Variants in NINL observed in about 807,000 individuals in gnomAD.
NINL encodes ninein-like protein.
In NINL, 153 loss-of-function variants were observed where a neutral mutation model predicts 160.3. The observed-to-expected ratio is 0.95, with a 90% CI of 0.84 to 1.09. The LOEUF (loss-of-function observed/expected upper bound fraction) is 1.09. Among genes scored for constraint, NINL ranks in the 50% least tolerant of loss-of-function variants. The probability of loss-of-function intolerance (pLI) is 0.00; values close to 1 mark genes in which losing one functional copy is unlikely to be tolerated. For synonymous variants in NINL, 800 were observed against 734.8 expected, an observed-to-expected ratio of 1.09 and a Z score of -1.43; for missense variants, 1,829 against 1,764.0, an observed-to-expected ratio of 1.04 and a Z score of -0.66.
intron 1 of NINL, among the ~76,000 whole-genome samples, chr20:25,532,120 G>T (rs374203653): frequency 2.0e-5 from 3 of 152,310 alleles, no homozygotes; most frequent in African/African-American, 7.2e-5. Context: ...CACAAAAAAG[G>T]AAAGACCCTG....
intron 1 of NINL, among the ~76,000 whole-genome samples, chr20:25,541,116 C>T (rs546861008): frequency 2.6e-5 from 4 of 152,108 alleles, no homozygotes; most frequent in Admixed American, 6.5e-5. Context: ...TTTCTGTGGT[C>T]TCCTAAAAAA....
At chr20:25,572,413 T>C (rs1021226457) in intron 1 of NINL, among the ~76,000 whole-genome samples, 2 of 152,176 alleles carry the variant, frequency 1.3e-5, no homozygotes, top group Non-Finnish European at 2.9e-5. Flanking sequence ...ACTACGGTGC[T>C]TGCTTTTGTA....
intron 17 of NINL, among the ~76,000 whole-genome samples, chr20:25,472,391 A>C (rs565972775): frequency 7.5e-6 from 1 of 133,590 alleles, no homozygotes; most frequent in African/African-American, 2.7e-5. Context: ...TTTGAGACGG[A>C]GTTTTGCTCT....
chr20:25,495,802 G>A (rs1402899566), intron 10 of NINL, among the ~76,000 whole-genome samples: 2 of 152,224 alleles, frequency 1.3e-5, no homozygotes, highest in African/African-American at 4.8e-5. Flanking sequence ...AATTTCCTCA[G>A]ATGTTCTGTT....
At position 25,491,635 on chromosome 20, in the gene NINL, C is replaced by T. The variant is rs946273250; in HGVS notation, c.1311-110G>A. On this transcript the variant is annotated intron_variant, in intron 10 of 23. Transcript: ENST00000278886. Reference sequence around the variant, plus strand: ...CTTAGAAACGCCCCTGTCCTCAGCACGTGCAGGGCCGCCCTGCCTTGGCTG... The same window carrying T: ...CTTAGAAACGCCCCTGTCCTCAGCATGTGCAGGGCCGCCCTGCCTTGGCTG... 4.4e-5 allele frequency: 57 copies of T among 1,294,294 alleles called. No individual in the cohort carries two copies. The East Asian group carries it at 4.5e-4, about 10-fold the overall frequency. 80.2% of individuals were successfully genotyped at this position (1,294,294 alleles called of 1,614,324 possible).
rs992635953 is a variant in NINL, at chr20:25,500,874, T to C, written c.998A>G (p.Gln333Arg). The C allele has an allele frequency of 6.2e-7, 1 of 1,614,160 alleles. No individual in the cohort carries two copies. The highest frequency in any genetic ancestry group is 8.5e-7 in the Non-Finnish European group (1 of 1,180,016). ...FPDQVLAMWT[Q>R]EGIQNGREIL... ...CTCCCTGCCATTCTGAATCCCCTCC[T>C]GGGTCCACATGGCCAGGACCTGATC... The change falls in exon 8 of 24, where the codon CAG (glutamine) becomes CGG (arginine). Residue 333 changes from glutamine to arginine, a missense_variant. Transcript: ENST00000278886.
intron 2 of NINL, among the ~76,000 whole-genome samples, chr20:25,520,954 C>T (rs762142386): frequency 5.9e-5 from 9 of 152,176 alleles, no homozygotes; most frequent in Non-Finnish European, 1.2e-4. Flanking sequence ...TCACATAATA[C>T]GCCAGGTATA....
At chr20:25,551,861 T>A (rs1334295336) in intron 1 of NINL, among the ~76,000 whole-genome samples, 3 of 152,154 alleles carry the variant, frequency 2.0e-5, no homozygotes, top group Non-Finnish European at 4.4e-5. Context: ...GTTTGAGGAG[T>A]TAAACTTGGC....
chr20:25,484,534 A>C (rs1478182778), intron 13 of NINL, among the ~76,000 whole-genome samples: 1 of 152,248 alleles, frequency 6.6e-6, no homozygotes, highest in Non-Finnish European at 1.5e-5. Flanking sequence ...GCGGCACAGC[A>C]AGCAGCCGAG....
chr20:25,521,269 T>C (rs1404368009), intron 2 of NINL, among the ~76,000 whole-genome samples: 1 of 152,246 alleles, frequency 6.6e-6, no homozygotes, highest in African/African-American at 2.4e-5. Context: ...TTTTCAGTTC[T>C]AGACATTTTA....
chr20:25,490,069 C>A, intron 11 of NINL, 84 bp from the exon 12 acceptor site: 1 of 1,226,322 alleles, frequency 8.2e-7, no homozygotes, highest in South Asian at 1.2e-5. Flanking sequence ...GCTTGCTTCT[C>A]ATAGGACTGG....
intron 13 of NINL, among the ~76,000 whole-genome samples, chr20:25,483,038 T>A (rs1278837570): frequency 2.8e-5 from 4 of 142,168 alleles, no homozygotes; most frequent in Non-Finnish European, 6.1e-5. Context: ...AAGAAAAAAA[T>A]AAATAAAGAA....
chr20:25,574,541 C>T (rs973999799), intron 1 of NINL, among the ~76,000 whole-genome samples: 1 of 152,178 alleles, frequency 6.6e-6, no homozygotes, highest in Non-Finnish European at 1.5e-5. Flanking sequence ...GGATCCAGGC[C>T]ACCTCCTCCT....
chr20:25,496,542 G>A, intron 10 of NINL, 121 bp downstream of exon 10: 1 of 1,186,994 alleles, frequency 8.4e-7, no homozygotes, highest in Non-Finnish European at 1.2e-6. Context: ...AGGTGAAATA[G>A]GGGGGTCTCC....
Position 25,477,582 on chromosome 20 carries a change from G to C in NINL, c.2202-493C>G, listed in dbSNP as rs77370524. Among the ~76,000 whole-genome samples, 89 of 152,386 alleles carry C rather than the reference G, an allele frequency of 5.8e-4. 4 individuals are homozygous for C. The East Asian group carries it at 0.017, about 28-fold the overall frequency. ...CGCAGGAGAGTCCAGTGGAAGTGAA[G>C]TGAGAGCTGGCAAGACCACAGCACC... On this transcript the variant is annotated intron_variant, in intron 16 of 23. Transcript: ENST00000278886.
At chr20:25,518,226 T>C (rs1568936430) in intron 2 of NINL, among the ~76,000 whole-genome samples, 1 of 152,174 alleles carries the variant, frequency 6.6e-6, no homozygotes, top group Non-Finnish European at 1.5e-5. Context: ...TCCTGAACCC[T>C]ACCCTGACTT....
In NINL at chr20:25,556,761, C is replaced by T. The variant is rs144037111; in HGVS notation, c.-12+28694G>A. ...GATCGAGGCTGCAGGGAGCTGAGAT[C>T]GCACTTCAGCCTGGGTGATGGTGAG... On this transcript the variant is annotated intron_variant, in intron 1 of 23. Transcript: ENST00000278886. Among the ~76,000 whole-genome samples the T allele has an allele frequency of 5.6e-3, 857 of 152,196 alleles. 4 individuals carry two copies. Among genetic ancestry groups the T allele is most frequent in the Non-Finnish European group, 8.5e-3 (579 of 68,016 alleles).
chr20:25,569,375 G>A (rs1183672090), intron 1 of NINL, among the ~76,000 whole-genome samples: 4 of 152,166 alleles, frequency 2.6e-5, no homozygotes, highest in Non-Finnish European at 5.9e-5. Flanking sequence ...ATGCCAAGGA[G>A]TTTATACGTG....
chr20:25,550,701 C>T (rs1248164915), intron 1 of NINL, among the ~76,000 whole-genome samples: 1 of 152,190 alleles, frequency 6.6e-6, no homozygotes, highest in East Asian at 1.9e-4. Context: ...TACAAAACAT[C>T]TCAGTGCAGT....
Sources: allele counts gnomAD v4.1 joint callset (sites outside exome capture counted in the v4.1 genomes callset), GRCh38; gene constraint gnomAD v4.1.1; transcripts MANE v1.5; gene names NCBI Gene and HGNC (gene_info 2026-07-23, HGNC 2026-07-21).